The following PBX3 variants were observed in gnomAD, a reference collection of about 807,000 sequenced individuals.
PBX3 encodes pre-B-cell leukemia transcription factor 3.
Under a neutral mutation model 48.5 loss-of-function variants are expected in PBX3, and 14 were observed. The observed-to-expected ratio is 0.29, with a 90% CI of 0.19 to 0.45. The LOEUF (loss-of-function observed/expected upper bound fraction) is 0.45, where lower values mean the gene tolerates loss of function less well. Ranked by LOEUF, PBX3 falls within the 20% of genes least tolerant of loss-of-function variation. The pLI is 1.00. For missense variants in PBX3, 386 were observed against 546.7 expected (o/e 0.71, Z 2.93); for synonymous variants, 210 against 200.3 (o/e 1.05, Z -0.41).
rs1836699997 is a variant in PBX3, at chr9:125,762,624, TCTG to T, written c.274+14007_274+14009del. 2.0e-5 allele frequency among the ~76,000 whole-genome samples: 3 copies of T among 152,322 alleles called. No individual in the cohort carries two copies. The South Asian group carries it at 6.2e-4, about 32-fold the overall frequency. On this transcript the variant is annotated intron_variant, in intron 2 of 8. Transcript: ENST00000373489. ...TGCAATGAAAATTTAATCAGCGTCT[TCTG>T]CTGCTTTAATAAGGCAAATAATTCT...
intron 2 of PBX3, among the ~76,000 whole-genome samples, chr9:125,793,288 C>T (rs941781276): frequency 2.0e-5 from 3 of 146,812 alleles, no homozygotes; most frequent in Admixed American, 1.4e-4. Context: ...GGAGGCAGAG[C>T]TTGCAGTGAG....
intron 2 of PBX3, among the ~76,000 whole-genome samples, chr9:125,898,623 TTAA>T (rs901074332): frequency 4.4e-4 from 66 of 151,724 alleles, no homozygotes; most frequent in African/African-American, 1.5e-3. Context: ...ATGAGGGAAA[TTAA>T]ACTCAGGGGA....
intron 2 of PBX3, among the ~76,000 whole-genome samples, chr9:125,852,657 T>C (rs140024121): frequency 7.2e-4 from 110 of 152,294 alleles, no homozygotes; most frequent in African/African-American, 2.5e-3. Flanking sequence ...TCTGGAAACA[T>C]TGAAGGTGGA....
intron 5 of PBX3, chr9:125,949,317 G>A (rs1190696721): frequency 6.5e-7 from 1 of 1,548,598 alleles, no homozygotes; most frequent in Non-Finnish European, 8.7e-7. Flanking sequence ...GGCATCTCAG[G>A]AATGTTCATT....
intron 4 of PBX3, 108 bp from the exon 5 acceptor site, chr9:125,935,364 G>T: frequency 2.2e-6 from 2 of 896,252 alleles, no homozygotes; most frequent in Non-Finnish European, 3.5e-6. Context: ...AGACCTTAAG[G>T]ATGTTTAAAA....
At chr9:125,937,222 C>T (rs1297648735) in intron 5 of PBX3, among the ~76,000 whole-genome samples, 1 of 152,176 alleles carries the variant, frequency 6.6e-6, no homozygotes, top group African/African-American at 2.4e-5. Flanking sequence ...TAGTACTTCA[C>T]ACTTTGTGTG....
chr9:125,819,045 A>T (rs1224365176), intron 2 of PBX3, among the ~76,000 whole-genome samples: 2 of 149,180 alleles, frequency 1.3e-5, no homozygotes, highest in Non-Finnish European at 3.0e-5. Flanking sequence ...CATGTTGGCC[A>T]GGCTAGTCTC....
intron 5 of PBX3, chr9:125,949,415 G>T (rs1477684466): frequency 1.3e-6 from 2 of 1,550,798 alleles, no homozygotes; most frequent in Middle Eastern, 3.3e-4. Context: ...GGGAGCAAAG[G>T]TTCTGACATC....
At chr9:125,756,491 C>A (rs1317610846) in intron 2 of PBX3, among the ~76,000 whole-genome samples, 1 of 152,102 alleles carries the variant, frequency 6.6e-6, no homozygotes, top group Admixed American at 6.6e-5. Context: ...ATTGCAAAAT[C>A]CTGGCCTAAC....
chr9:125,886,846 A>G (rs1311508165), intron 2 of PBX3, among the ~76,000 whole-genome samples: 1 of 152,140 alleles, frequency 6.6e-6, no homozygotes, highest in Non-Finnish European at 1.5e-5. Flanking sequence ...TTGCATTTAA[A>G]TCCATGTTTG....
chr9:125,777,923 G>A (rs936430437), intron 2 of PBX3, among the ~76,000 whole-genome samples: 22 of 149,468 alleles, frequency 1.5e-4, no homozygotes, highest in Admixed American at 1.1e-3. Flanking sequence ...TGGTGGGAAC[G>A]TCTCCACTTT....
intron 2 of PBX3, among the ~76,000 whole-genome samples, chr9:125,872,851 G>GT (rs1460975659): frequency 1.5e-4 from 22 of 151,404 alleles, no homozygotes; most frequent in African/African-American, 4.1e-4. Context: ...CAGGAGAAGT[G>GT]TAACAATACT....
At chr9:125,796,463 A>C (rs1315105762) in intron 2 of PBX3, among the ~76,000 whole-genome samples, 1 of 152,152 alleles carries the variant, frequency 6.6e-6, no homozygotes, top group Non-Finnish European at 1.5e-5. Flanking sequence ...AGTTGAGTGG[A>C]AATTTTCTGT....
intron 2 of PBX3, among the ~76,000 whole-genome samples, chr9:125,852,336 T>G (rs367776627): frequency 2.0e-5 from 3 of 152,204 alleles, no homozygotes; most frequent in African/African-American, 7.2e-5. Context: ...TCTTTTCCCA[T>G]TATTAGATCC....
At chr9:125,940,515 G>A (rs754999252) in intron 5 of PBX3, among the ~76,000 whole-genome samples, 45 of 152,190 alleles carry the variant, frequency 3.0e-4, no homozygotes, top group Non-Finnish European at 5.4e-4. Flanking sequence ...ATAGAAATGT[G>A]TACACATACT....
rs530559411 is a variant in PBX3 at position 125,822,331 on chromosome 9, A to G, written c.274+73708A>G. ...ATGGACTTTGTCTGTTCTATTGCCCATTTGGCATTGGGGATAAGGAATGCT... is the reference window on the plus strand; with the variant it reads ...ATGGACTTTGTCTGTTCTATTGCCCGTTTGGCATTGGGGATAAGGAATGCT... On this transcript the variant is annotated intron_variant, in intron 2 of 8. Coordinates refer to ENST00000373489, the MANE Select transcript of PBX3 (RefSeq NM_006195.6). 2.0e-3 allele frequency among the ~76,000 whole-genome samples: 307 copies of G among 152,206 alleles called. 6 individuals carry two copies. The South Asian group carries it at 0.031, about 15-fold the overall frequency.
intron 2 of PBX3, among the ~76,000 whole-genome samples, chr9:125,783,026 ATC>A (rs1174418011): frequency 6.6e-6 from 1 of 152,052 alleles, no homozygotes; most frequent in African/African-American, 2.4e-5. Context: ...CTCAATGTGA[ATC>A]TCTGTGTGTA....
intron 2 of PBX3, among the ~76,000 whole-genome samples, chr9:125,788,541 C>T (rs1837515524): frequency 6.6e-6 from 1 of 152,144 alleles, no homozygotes; most frequent in African/African-American, 2.4e-5. Context: ...ACTAATGTTC[C>T]TGGCATTTAA....
chr9:125,791,321 A>G (rs1304037832), intron 2 of PBX3, among the ~76,000 whole-genome samples: 2 of 150,934 alleles, frequency 1.3e-5, no homozygotes, highest in Non-Finnish European at 2.9e-5. Context: ...CTATCTATCT[A>G]TCTATCTATC....
Sources: gnomAD v4.1 joint callset for allele counts (sites outside exome capture counted in the v4.1 genomes callset) on GRCh38, gnomAD v4.1.1 for gene constraint, MANE v1.5 for transcripts, NCBI Gene and HGNC (gene_info 2026-07-23, HGNC 2026-07-21) for gene names.